Variants in STK3 observed in about 807,000 individuals in gnomAD.
The protein encoded by STK3 is serine/threonine-protein kinase 3.
A neutral mutation model predicts 58.0 loss-of-function variants in STK3; 41 were observed. The observed-to-expected ratio is 0.71, with a 90% CI of 0.55 to 0.92. The LOEUF is 0.92. Ranked by LOEUF, STK3 falls within the 40% of genes least tolerant of loss-of-function variation. STK3 has a pLI of 0.00. For synonymous variants in STK3, 170 were observed against 191.0 expected (o/e 0.89, Z 0.91); for missense variants, 479 against 602.7 (o/e 0.79, Z 2.15).
intron 10 of STK3, among the ~76,000 whole-genome samples, chr8:98,507,785 G>A (rs1428917032): frequency 6.6e-6 from 1 of 151,996 alleles, no homozygotes; most frequent in African/African-American, 2.4e-5. Context: ...GTCTTTGCTG[G>A]TCCCTCTACT....
At chr8:98,780,663 A>G (rs1158257092) in intron 1 of STK3, among the ~76,000 whole-genome samples, 1 of 151,090 alleles carries the variant, frequency 6.6e-6, no homozygotes, top group Admixed American at 6.6e-5. Flanking sequence ...ACACAGGGGA[A>G]AAAAAAAACA....
chr8:98,581,648 C>T (rs941088459), intron 7 of STK3, among the ~76,000 whole-genome samples: 1 of 151,338 alleles, frequency 6.6e-6, no homozygotes, highest in Non-Finnish European at 1.5e-5. Flanking sequence ...ATTTCTCCGT[C>T]CTTCTGCTTG....
chr8:98,871,218 C>T (rs2131875842), intron 3 of STK3, among the ~76,000 whole-genome samples: 1 of 152,232 alleles, frequency 6.6e-6, no homozygotes, highest in South Asian at 2.1e-4. Context: ...TGTTTTGGTA[C>T]CAGTACCATG....
intron 3 of STK3, among the ~76,000 whole-genome samples, chr8:98,875,075 C>G (rs1343743906): frequency 2.0e-5 from 3 of 152,148 alleles, no homozygotes; most frequent in African/African-American, 4.8e-5. Flanking sequence ...AATTAGAAGG[C>G]TTTAAACCCA....
chr8:98,363,863 G>C, the STK3 span, among the ~76,000 whole-genome samples: 1 of 152,208 alleles, frequency 6.6e-6, no homozygotes, highest in African/African-American at 2.4e-5. Context: ...TCTGCCACTG[G>C]CCATTGCTAT....
chr8:98,460,592 G>C (rs1215639019), intron 10 of STK3, among the ~76,000 whole-genome samples: 1 of 152,220 alleles, frequency 6.6e-6, no homozygotes, highest in South Asian at 2.1e-4. Flanking sequence ...ATCTCATCTT[G>C]AAGTGTAATC....
chr8:98,709,387 T>C (rs1267918879), intron 4 of STK3, among the ~76,000 whole-genome samples: 1 of 152,158 alleles, frequency 6.6e-6, no homozygotes, highest in Non-Finnish European at 1.5e-5. Flanking sequence ...AAGATTAAAA[T>C]ATCTTGATTC....
intron 3 of STK3, among the ~76,000 whole-genome samples, chr8:98,842,882 A>G (rs1193360046): frequency 6.6e-6 from 1 of 151,956 alleles, no homozygotes; most frequent in Non-Finnish European, 1.5e-5. Context: ...TCCTTAGCTA[A>G]TTAGCACGTC....
chr8:98,809,366 T>A (rs533796161), intron 1 of STK3, among the ~76,000 whole-genome samples: 1 of 152,146 alleles, frequency 6.6e-6, no homozygotes, highest in Non-Finnish European at 1.5e-5. Context: ...AGTATCAAAA[T>A]TGAATTAAAT....
At chr8:98,582,000 T>C (rs1213577560) in intron 7 of STK3, among the ~76,000 whole-genome samples, 1 of 152,176 alleles carries the variant, frequency 6.6e-6, no homozygotes, top group East Asian at 1.9e-4. Flanking sequence ...GTATAAATCA[T>C]TAATTTTGAA....
chr8:98,786,427 C>T (rs770216906), intron 1 of STK3, among the ~76,000 whole-genome samples: 20 of 152,078 alleles, frequency 1.3e-4, no homozygotes, highest in Non-Finnish European at 2.6e-4. Context: ...TTGCACCTAT[C>T]GTTCTAGCTA....
At chr8:98,884,921 A>G (rs759663315) in intron 1 of STK3, among the ~76,000 whole-genome samples, 3 of 152,254 alleles carry the variant, frequency 2.0e-5, no homozygotes, top group African/African-American at 7.2e-5. Flanking sequence ...GATGCTGGGA[A>G]CCATTGTTAA....
chr8:98,590,900 CAT>C (rs1458868193), intron 7 of STK3, among the ~76,000 whole-genome samples: 2 of 152,094 alleles, frequency 1.3e-5, no homozygotes, highest in South Asian at 2.1e-4. Context: ...GTAAAACATA[CAT>C]GTTTTATCAT....
At chr8:98,816,779 C>G (rs1834574042) in intron 1 of STK3, among the ~76,000 whole-genome samples, 2 of 152,050 alleles carry the variant, frequency 1.3e-5, no homozygotes, top group South Asian at 4.2e-4. Flanking sequence ...GGTGATCTAC[C>G]CACCTCGGCC....
chr8:98,795,481 T>C (rs951044360), intron 1 of STK3, among the ~76,000 whole-genome samples: 1 of 151,686 alleles, frequency 6.6e-6, no homozygotes, highest in Non-Finnish European at 1.5e-5. Flanking sequence ...AGAACTGGAA[T>C]AAGACAAGGA....
intron 10 of STK3, among the ~76,000 whole-genome samples, chr8:98,484,470 A>C (rs1260283901): frequency 1.3e-5 from 2 of 152,180 alleles, no homozygotes; most frequent in African/African-American, 4.8e-5. Context: ...CTCACCAGGG[A>C]AAACTACTGT....
chr8:98,368,172 G>A (rs987536235), downstream of STK3, among the ~76,000 whole-genome samples: 1 of 152,212 alleles, frequency 6.6e-6, no homozygotes. Context: ...TTTAAAAGAG[G>A]TGAAAACTAC....
intron 1 of STK3, among the ~76,000 whole-genome samples, chr8:98,904,076 A>G (rs1314595247): frequency 1.3e-5 from 2 of 152,302 alleles, no homozygotes; most frequent in African/African-American, 4.8e-5. Flanking sequence ...ACAAGGCTAA[A>G]TTTCAGCTAA....
intron 4 of STK3, among the ~76,000 whole-genome samples, chr8:98,745,685 A>T (rs537652310): frequency 6.6e-6 from 1 of 152,186 alleles, no homozygotes; most frequent in Admixed American, 6.5e-5. Flanking sequence ...CTTTTGACTG[A>T]CTTACAAGAT....
Sources: allele counts gnomAD v4.1 joint callset (sites outside exome capture counted in the v4.1 genomes callset), GRCh38; gene constraint gnomAD v4.1.1; transcripts MANE v1.5; gene names NCBI Gene and HGNC (gene_info 2026-07-23, HGNC 2026-07-21).